The following FILIP1L variants were observed in gnomAD, a reference collection of about 807,000 sequenced individuals.
FILIP1L encodes the protein filamin A-interacting protein 1-like.
A neutral mutation model predicts 96.6 loss-of-function variants in FILIP1L; 55 were observed. The observed-to-expected ratio is 0.57, with a 90% confidence interval of 0.46 to 0.71. The LOEUF is 0.71. Among genes scored for constraint, FILIP1L ranks in the 30% least tolerant of loss-of-function variants. The pLI is 0.00. For missense variants in FILIP1L, 1,304 were observed against 1,321.2 expected (o/e 0.99, Z 0.20); for synonymous variants, 467 against 473.9 (o/e 0.99, Z 0.19).
At chr3:99,897,216 G>C (rs553844698) in intron 4 of FILIP1L, among the ~76,000 whole-genome samples, 65 of 152,098 alleles carry the variant, frequency 4.3e-4, no homozygotes, top group African/African-American at 1.5e-3. Flanking sequence ...AAAATTAACC[G>C]GGTGTTGTGG....
At chr3:99,935,855 A>T (rs183304955) in intron 1 of FILIP1L, among the ~76,000 whole-genome samples, 2 of 152,304 alleles carry the variant, frequency 1.3e-5, no homozygotes, top group East Asian at 3.9e-4. Context: ...CTTGGTAAGG[A>T]TGTGTCCATG....
chr3:99,991,916 G>GTA (rs1196916188), intron 1 of FILIP1L, among the ~76,000 whole-genome samples: 4 of 142,556 alleles, frequency 2.8e-5, no homozygotes, highest in Non-Finnish European at 3.1e-5. Context: ...ACATATATAG[G>GTA]TATATATACA....
At chr3:99,955,792 A>G (rs1273738222) in intron 1 of FILIP1L, among the ~76,000 whole-genome samples, 4 of 152,292 alleles carry the variant, frequency 2.6e-5, no homozygotes, top group Non-Finnish European at 5.9e-5. Context: ...GGAAGGAAAT[A>G]AGATGGAATT....
At chr3:99,956,682 C>G (rs1264327218) in intron 1 of FILIP1L, among the ~76,000 whole-genome samples, 2 of 152,214 alleles carry the variant, frequency 1.3e-5, no homozygotes, top group East Asian at 3.8e-4. Context: ...AGCATCGCCT[C>G]TTAAATCTTG....
intron 1 of FILIP1L, among the ~76,000 whole-genome samples, chr3:100,078,434 G>A (rs925477721): frequency 6.6e-6 from 1 of 151,984 alleles, no homozygotes; most frequent in Non-Finnish European, 1.5e-5. Flanking sequence ...TTGCTACATA[G>A]CAAACCACTC....
intron 5 of FILIP1L, among the ~76,000 whole-genome samples, chr3:99,842,957 T>C (rs967319039): frequency 1.3e-5 from 2 of 152,206 alleles, no homozygotes; most frequent in African/African-American, 4.8e-5. Context: ...CTCTGATATA[T>C]TGACTGCCCA....
intron 4 of FILIP1L, among the ~76,000 whole-genome samples, chr3:99,916,931 AATTC>A (rs1339934485): frequency 6.6e-6 from 1 of 152,190 alleles, no homozygotes; most frequent in Non-Finnish European, 1.5e-5. Flanking sequence ...ATGAGTTGCA[AATTC>A]AGGATACAGT....
At chr3:100,085,866 T>C (rs1272114221) in intron 1 of FILIP1L, among the ~76,000 whole-genome samples, 1 of 152,208 alleles carries the variant, frequency 6.6e-6, no homozygotes, top group Non-Finnish European at 1.5e-5. Flanking sequence ...GGTTACATTT[T>C]CATGAAGAGT....
At chr3:99,886,987 A>G (rs1705921847) in intron 4 of FILIP1L, among the ~76,000 whole-genome samples, 1 of 149,124 alleles carries the variant, frequency 6.7e-6, no homozygotes, top group African/African-American at 2.5e-5. Context: ...AAAAAAAAGT[A>G]CTGGCCGGGT....
intron 4 of FILIP1L, among the ~76,000 whole-genome samples, chr3:99,857,834 A>G (rs1402299510): frequency 6.6e-6 from 1 of 152,218 alleles, no homozygotes; most frequent in East Asian, 1.9e-4. Flanking sequence ...TATGTTCACT[A>G]TGTAAATCTT....
At chr3:99,847,760 C>T (rs960359780) in intron 5 of FILIP1L, among the ~76,000 whole-genome samples, 1 of 152,050 alleles carries the variant, frequency 6.6e-6, no homozygotes, top group African/African-American at 2.4e-5. Flanking sequence ...TTTATTTGAA[C>T]CACTTTTCTC....
At chr3:100,006,296 T>C (rs547354352) in intron 1 of FILIP1L, among the ~76,000 whole-genome samples, 2 of 152,278 alleles carry the variant, frequency 1.3e-5, no homozygotes, top group Middle Eastern at 3.4e-3. Flanking sequence ...CTTTGAATTG[T>C]TTCCTTTGTA....
chr3:100,108,190 A>G (rs949067659), intron 1 of FILIP1L, among the ~76,000 whole-genome samples: 1 of 152,146 alleles, frequency 6.6e-6, no homozygotes, highest in South Asian at 2.1e-4. Context: ...CAGGGAATCC[A>G]AAGTTTTGTG....
At chr3:100,092,673 A>G (rs1218578104) in intron 1 of FILIP1L, among the ~76,000 whole-genome samples, 2 of 146,544 alleles carry the variant, frequency 1.4e-5, no homozygotes, top group Non-Finnish European at 3.0e-5. Context: ...CTGAGCAAAC[A>G]TACATTATTG....
At chr3:99,897,623 T>C (rs1378906039) in intron 4 of FILIP1L, among the ~76,000 whole-genome samples, 1 of 152,204 alleles carries the variant, frequency 6.6e-6, no homozygotes, top group Non-Finnish European at 1.5e-5. Flanking sequence ...TATCGTGTAT[T>C]TGAGGAGAAA....
At chr3:99,971,641 C>T (rs1708826070) in intron 1 of FILIP1L, among the ~76,000 whole-genome samples, 1 of 152,148 alleles carries the variant, frequency 6.6e-6, no homozygotes, top group African/African-American at 2.4e-5. Context: ...AGTATAGGGA[C>T]AGAGACCTGA....
chr3:99,996,376 G>C (rs1294495695), intron 1 of FILIP1L, among the ~76,000 whole-genome samples: 2 of 152,104 alleles, frequency 1.3e-5, no homozygotes, highest in Admixed American at 6.5e-5. Flanking sequence ...GCCAGGCCTT[G>C]GTCAAAGCCA....
chr3:99,876,983 G>C (rs1275482125), intron 4 of FILIP1L, among the ~76,000 whole-genome samples: 1 of 152,094 alleles, frequency 6.6e-6, no homozygotes, highest in Non-Finnish European at 1.5e-5. Context: ...ACAAAATAAA[G>C]CCAAAAATAA....
chr3:100,022,655 G>A (rs1192243472), intron 1 of FILIP1L, among the ~76,000 whole-genome samples: 1 of 152,184 alleles, frequency 6.6e-6, no homozygotes, highest in Non-Finnish European at 1.5e-5. Flanking sequence ...AAAAGAAAGA[G>A]GGAGATTCCA....
Sources: gnomAD v4.1 joint callset for allele counts (sites outside exome capture counted in the v4.1 genomes callset) on GRCh38, gnomAD v4.1.1 for gene constraint, MANE v1.5 for transcripts, NCBI Gene and HGNC (gene_info 2026-07-23, HGNC 2026-07-21) for gene names.